The following PTPRD variants were observed in gnomAD, a reference collection of about 807,000 sequenced individuals.
PTPRD encodes receptor-type tyrosine-protein phosphatase delta.
In PTPRD, 34 loss-of-function variants were observed where a neutral mutation model predicts 214.5. That is an observed-to-expected ratio of 0.16 (90% CI 0.12 to 0.21). The LOEUF (loss-of-function observed/expected upper bound fraction) is 0.21. Ranked by LOEUF, PTPRD falls within the 10% of genes least tolerant of loss-of-function variation. The pLI, the probability that PTPRD is intolerant of heterozygous loss-of-function variation, is 1.00. For missense variants in PTPRD, 2,545 were observed against 2,398.7 expected (o/e 1.06, Z -1.27); for synonymous variants, 1,128 against 845.7 (o/e 1.33, Z -5.79).
chr9:9,857,744 C>T (rs908598024), intron 5 of PTPRD, among the ~76,000 whole-genome samples: 2 of 152,158 alleles, frequency 1.3e-5, no homozygotes, highest in South Asian at 4.1e-4. Context: ...ATGTCTGTTT[C>T]AGGGCAAACA....
At chr9:10,450,682 A>T (rs551659100) in intron 2 of PTPRD, among the ~76,000 whole-genome samples, 11 of 152,000 alleles carry the variant, frequency 7.2e-5, no homozygotes, top group Non-Finnish European at 1.2e-4. Flanking sequence ...TGCTTTCCTC[A>T]GTCCGTGCAC....
chr9:9,840,366 A>T lies in PTPRD; in HGVS notation c.-367-73515T>A, dbSNP rs78449893. 6.4e-4 allele frequency among the ~76,000 whole-genome samples: 97 copies of T among 152,212 alleles called. No individual in the cohort carries two copies. The East Asian group carries it at 0.015, about 24-fold the overall frequency. ...TTAAGGAAAACACAAATTTAATCAGATTTGAAAAATAGACTTTGTTTTTTT... is the reference window on the plus strand; with the variant it reads ...TTAAGGAAAACACAAATTTAATCAGTTTTGAAAAATAGACTTTGTTTTTTT... On this transcript the variant is annotated intron_variant, in intron 5 of 45. Transcript: ENST00000381196.
intron 3 of PTPRD, among the ~76,000 whole-genome samples, chr9:10,166,240 A>T (rs2099158164): frequency 1.4e-5 from 2 of 147,504 alleles, no homozygotes; most frequent in South Asian, 4.2e-4. Context: ...GGACTGAAAA[A>T]TTGAAAAAAA....
intron 7 of PTPRD, among the ~76,000 whole-genome samples, chr9:9,649,653 A>C (rs149507921): frequency 6.6e-6 from 1 of 152,216 alleles, no homozygotes; most frequent in Non-Finnish European, 1.5e-5. Context: ...TGAAATTCTC[A>C]TAACTAGAGT....
intron 7 of PTPRD, among the ~76,000 whole-genome samples, chr9:9,714,290 C>T (rs369534395): frequency 6.6e-6 from 1 of 152,054 alleles, no homozygotes; most frequent in Non-Finnish European, 1.5e-5. Flanking sequence ...TTTTGTACAG[C>T]AACAGGAATG....
chr9:8,584,873 C>T (rs1197691388), intron 14 of PTPRD, among the ~76,000 whole-genome samples: 1 of 152,230 alleles, frequency 6.6e-6, no homozygotes, highest in Non-Finnish European at 1.5e-5. Context: ...ACATGTCCTT[C>T]TTCGCATGGC....
chr9:10,473,051 AC>A (rs1181268337), intron 2 of PTPRD, among the ~76,000 whole-genome samples: 1 of 152,066 alleles, frequency 6.6e-6, no homozygotes, highest in African/African-American at 2.4e-5. Flanking sequence ...AATGTATATG[AC>A]CAAATTAAAT....
chr9:9,799,058 C>A (rs1420486042), intron 5 of PTPRD, among the ~76,000 whole-genome samples: 2 of 152,044 alleles, frequency 1.3e-5, no homozygotes, highest in South Asian at 2.1e-4. Context: ...ACGGGAATGA[C>A]TGCAGAATCA....
At chr9:8,791,996 G>A (rs2096253051) in intron 11 of PTPRD, among the ~76,000 whole-genome samples, 1 of 152,152 alleles carries the variant, frequency 6.6e-6, no homozygotes. Flanking sequence ...AATGAAGCAA[G>A]AAATGTGTGA....
At chr9:9,613,446 T>C (rs1262328558) in intron 7 of PTPRD, among the ~76,000 whole-genome samples, 2 of 152,048 alleles carry the variant, frequency 1.3e-5, no homozygotes, top group Non-Finnish European at 1.5e-5. Flanking sequence ...CATTCTGTTC[T>C]TTTTGCCATC....
At chr9:9,445,032 T>G (rs1438635406) in intron 8 of PTPRD, among the ~76,000 whole-genome samples, 2 of 152,138 alleles carry the variant, frequency 1.3e-5, no homozygotes, top group Admixed American at 1.3e-4. Context: ...AAAAAATGAG[T>G]GAGCAACAAA....
chr9:9,445,856 T>C (rs562951320), intron 8 of PTPRD, among the ~76,000 whole-genome samples: 4 of 152,250 alleles, frequency 2.6e-5, no homozygotes, highest in African/African-American at 9.6e-5. Context: ...ATAGTGGTAA[T>C]ATTACTTTGG....
intron 14 of PTPRD, among the ~76,000 whole-genome samples, chr9:8,561,636 C>A (rs571267574): frequency 1.3e-5 from 2 of 152,220 alleles, no homozygotes; most frequent in Non-Finnish European, 2.9e-5. Context: ...GGGCACATCA[C>A]CAGCTGGAAC....
intron 3 of PTPRD, among the ~76,000 whole-genome samples, chr9:10,080,618 C>A (rs151064225): frequency 1.3e-5 from 2 of 152,168 alleles, no homozygotes; most frequent in South Asian, 2.1e-4. Context: ...GTACAGTTAA[C>A]ATAAAAGGCT....
chr9:9,202,231 T>C (rs1412687216), intron 9 of PTPRD, among the ~76,000 whole-genome samples: 1 of 152,224 alleles, frequency 6.6e-6, no homozygotes, highest in Non-Finnish European at 1.5e-5. Context: ...ATTTGCACTC[T>C]ATTATAACAC....
intron 3 of PTPRD, among the ~76,000 whole-genome samples, chr9:10,124,523 T>G (rs1354681763): frequency 6.6e-6 from 1 of 152,182 alleles, no homozygotes; most frequent in Admixed American, 6.6e-5. Context: ...ATTTTGAATA[T>G]TTATCCGTCA....
At chr9:8,617,482 T>G (rs16928219) in intron 14 of PTPRD, among the ~76,000 whole-genome samples, 12,936 of 152,164 alleles carry the variant, frequency 0.085, 670 homozygotes, top group East Asian at 0.17. Context: ...ACAATCAACA[T>G]CAGATATGTC....
intron 5 of PTPRD, among the ~76,000 whole-genome samples, chr9:9,844,666 T>C (rs2059079419): frequency 6.8e-6 from 1 of 147,966 alleles, no homozygotes; most frequent in Non-Finnish European, 1.5e-5. Context: ...AGTTATTAGC[T>C]TTATTTATTA....
At chr9:10,560,200 C>G (rs1164214190) in intron 2 of PTPRD, among the ~76,000 whole-genome samples, 1 of 152,100 alleles carries the variant, frequency 6.6e-6, no homozygotes, top group Non-Finnish European at 1.5e-5. Context: ...AAATGTGGCA[C>G]ATATACACCA....
Sources: allele counts gnomAD v4.1 joint callset (sites outside exome capture counted in the v4.1 genomes callset), GRCh38; gene constraint gnomAD v4.1.1; transcripts MANE v1.5; gene names NCBI Gene and HGNC (gene_info 2026-07-23, HGNC 2026-07-21).